The following ABCC1 variants were observed in gnomAD, a reference collection of about 807,000 sequenced individuals.
The protein encoded by ABCC1 is multidrug resistance-associated protein 1.
ABCC1 carries 83 observed loss-of-function variants against 172.9 expected under a neutral mutation model. The ratio of observed to expected loss-of-function variants is 0.48; its 90% CI spans 0.40 to 0.58. ABCC1 has a LOEUF of 0.58. Ranked by LOEUF, ABCC1 falls within the 20% of genes least tolerant of loss-of-function variation. ABCC1 has a pLI of 0.00. For synonymous variants in ABCC1, 937 were observed against 825.2 expected, an observed-to-expected ratio of 1.14 and a Z score of -2.32; for missense variants, 1,817 against 2,002.7, an observed-to-expected ratio of 0.91 and a Z score of 1.77.
intron 11 of ABCC1, 126 bp from the exon 12 acceptor site, chr16:16,055,965 AT>A (rs1296479905): frequency 2.1e-5 from 18 of 854,848 alleles, no homozygotes; most frequent in Admixed American, 2.9e-5. Context: ...AAAAAAAAAA[AT>A]CAATATAAAA....
chr16:15,963,431 G>C (rs776101178), intron 1 of ABCC1, among the ~76,000 whole-genome samples: 2 of 152,224 alleles, frequency 1.3e-5, no homozygotes, highest in Non-Finnish European at 2.9e-5. Flanking sequence ...GACTCTGTGT[G>C]GGGGCTCTGA....
chr16:16,009,650 T>G, intron 2 of ABCC1, 126 bp from the exon 3 acceptor site: 1 of 1,043,210 alleles, frequency 9.6e-7, no homozygotes, highest in Non-Finnish European at 1.4e-6. Context: ...TGCCATGTCC[T>G]AGGACTGTGG....
intron 7 of ABCC1, among the ~76,000 whole-genome samples, chr16:16,042,908 G>C (rs1020758911): frequency 6.6e-6 from 1 of 152,016 alleles, no homozygotes; most frequent in Non-Finnish European, 1.5e-5. Flanking sequence ...GCTGAGGCTG[G>C]AGTGCAGTGG....
At chr16:16,074,947 CTTTTTTTT>C (rs71137910) in intron 14 of ABCC1, among the ~76,000 whole-genome samples, 4 of 129,198 alleles carry the variant, frequency 3.1e-5, no homozygotes, top group Non-Finnish European at 6.6e-5. Flanking sequence ...TTTTCTTTTT[CTTTTTTTT>C]TTTTTTTTTG....
Position 16,090,443 on chromosome 16 carries a change from G to A in ABCC1, c.2499G>A (p.Pro833=), listed in dbSNP as rs182511291. 9 of 1,612,232 alleles carry A rather than the reference G, an allele frequency of 5.6e-6. No homozygotes were observed. The highest frequency in any genetic ancestry group is 2.7e-5 in the African/African-American group (2 of 75,020). ...ILVTHSMSYL[P]QVDVIIVMSG... ...TCACGCACAGCATGAGCTACTTGCC[G>A]CAGGTGGACGTCATCATCGTCATGA... The change falls in exon 19 of 31, where the codon CCG becomes CCA. Residue 833 remains proline, a synonymous_variant. Transcript: ENST00000399410.
At chr16:16,052,916 T>C (rs2049494378) in intron 11 of ABCC1, 100 bp downstream of exon 11, 5 of 1,180,812 alleles carry the variant, frequency 4.2e-6, no homozygotes, top group Non-Finnish European at 6.1e-6. Context: ...CCTGGGGTTC[T>C]CAGCCTTGCC....
intron 23 of ABCC1, among the ~76,000 whole-genome samples, chr16:16,118,374 G>C (rs926745768): frequency 6.7e-6 from 1 of 149,046 alleles, no homozygotes; most frequent in East Asian, 2.1e-4. Flanking sequence ...ATCAGAGAGA[G>C]TAGGTCCAGT....
chr16:16,136,353 T>C lies in ABCC1; in HGVS notation c.4126-125T>C, dbSNP rs1271813837. 5 of 1,046,480 alleles carry C rather than the reference T, an allele frequency of 4.8e-6. No individual in the cohort carries two copies. The African/African-American group carries it at 4.8e-5, about 10-fold the overall frequency. The allele number at this position is 1,046,480 out of a possible 1,614,324, so 64.8% of individuals were successfully genotyped here. On this transcript the variant is annotated intron_variant, in intron 28 of 30. Coordinates refer to ENST00000399410, the MANE Select transcript of ABCC1 (RefSeq NM_004996.4). ...TCTCCATTATTAACATCTCCAGAAA[T>C]AGTGATTCCAAGGAGCTCTGATACC...
intron 13 of ABCC1, among the ~76,000 whole-genome samples, chr16:16,070,191 G>A (rs868392803): frequency 6.6e-6 from 1 of 151,468 alleles, no homozygotes; most frequent in Admixed American, 6.6e-5. Flanking sequence ...AAATCAGCCT[G>A]GGCAATGAGA....
chr16:16,040,307 G>C (rs2048927074), intron 7 of ABCC1, among the ~76,000 whole-genome samples: 1 of 151,614 alleles, frequency 6.6e-6, no homozygotes, highest in Non-Finnish European at 1.5e-5. Flanking sequence ...GTTTTTTTGA[G>C]ATGGAATTTT....
chr16:16,048,363 G>C, intron 10 of ABCC1, 60 bp downstream of exon 10: 3 of 1,592,230 alleles, frequency 1.9e-6, no homozygotes, highest in Admixed American at 1.7e-5. Context: ...TGTGGGCAGT[G>C]GGCCGAGGGA....
At chr16:16,057,483 CAGTATATAAAACAG>C in intron 12 of ABCC1, among the ~76,000 whole-genome samples, 1 of 151,300 alleles carries the variant, frequency 6.6e-6, no homozygotes, top group Non-Finnish European at 1.5e-5. Context: ...GCTGTATCCT[CAGTATATAAAACAG>C]TGCATAGCAG....
At chr16:16,100,155 C>T (rs949614351) in intron 19 of ABCC1, among the ~76,000 whole-genome samples, 1 of 152,134 alleles carries the variant, frequency 6.6e-6, no homozygotes, top group African/African-American at 2.4e-5. Flanking sequence ...CTCTTAGGCG[C>T]TTGGTCCTCC....
chr16:15,985,830 C>T (rs902381195), intron 1 of ABCC1, among the ~76,000 whole-genome samples: 1 of 152,012 alleles, frequency 6.6e-6, no homozygotes, highest in African/African-American at 2.4e-5. Context: ...AGTCAGAGGT[C>T]CAAAATGTAC....
At chr16:16,078,718 C>G (rs369300473) in intron 15 of ABCC1, among the ~76,000 whole-genome samples, 1 of 152,166 alleles carries the variant, frequency 6.6e-6, no homozygotes, top group African/African-American at 2.4e-5. Context: ...ACGCTCTTGC[C>G]CAGATCGGAG....
rs992233856 is a variant in ABCC1 at position 16,099,163 on chromosome 16, A to G, written c.2645-3464A>G. Reference sequence around the variant, plus strand: ...TTGGGTAAGCTCTACTGTTTCATGCATCACGTTACCGTGACCAGCATGCCT... The same window carrying G: ...TTGGGTAAGCTCTACTGTTTCATGCGTCACGTTACCGTGACCAGCATGCCT... On this transcript the variant is annotated intron_variant, in intron 19 of 30. Coordinates refer to ENST00000399410, the MANE Select transcript of ABCC1 (RefSeq NM_004996.4). Among the ~76,000 whole-genome samples, 10 of 152,324 alleles carry G rather than the reference A, an allele frequency of 6.6e-5. 2 individuals carry two copies. The highest frequency in any genetic ancestry group is 4.6e-4 in the Admixed American group (7 of 15,300).
chr16:16,110,130 A>G (rs6498600), intron 21 of ABCC1, among the ~76,000 whole-genome samples: 148,062 of 150,506 alleles, frequency 0.98, 72,872 homozygotes, highest in Middle Eastern at 1. Context: ...CCTGGAGGCA[A>G]TGTCTCCCTC....
chr16:16,071,787 G>T (rs2050360770), intron 14 of ABCC1, 58 bp downstream of exon 14: 6 of 1,463,970 alleles, frequency 4.1e-6, no homozygotes, highest in Non-Finnish European at 4.7e-6. Context: ...CTCCCACTGG[G>T]TCCTCCCTAC....
chr16:16,055,032 C>T (rs1306864126), intron 11 of ABCC1, among the ~76,000 whole-genome samples: 1 of 152,058 alleles, frequency 6.6e-6, no homozygotes, highest in Non-Finnish European at 1.5e-5. Flanking sequence ...GAGTGCAAGA[C>T]CAGCCTGAGC....
Sources: allele counts gnomAD v4.1 joint callset (sites outside exome capture counted in the v4.1 genomes callset), GRCh38; gene constraint gnomAD v4.1.1; transcripts MANE v1.5; gene names NCBI Gene and HGNC (gene_info 2026-07-23, HGNC 2026-07-21).